The following RBFOX1 variants were observed in gnomAD, a reference collection of about 807,000 sequenced individuals.
RBFOX1 encodes the protein RNA binding fox-1 homolog 1, also known as RNA binding protein fox-1 homolog 1.
In RBFOX1, 8 loss-of-function variants were observed where a neutral mutation model predicts 57.7. The ratio of observed to expected loss-of-function variants is 0.14; its 90% CI spans 0.08 to 0.25. The LOEUF is 0.25. Among genes scored for constraint, RBFOX1 ranks in the 10% least tolerant of loss-of-function variants. RBFOX1 has a pLI of 1.00. For missense variants in RBFOX1, 611 were observed against 548.5 expected (o/e 1.11, Z -1.14); for synonymous variants, 326 against 222.4 (o/e 1.47, Z -4.15).
chr16:6,977,271 A>T (rs1300510901), intron 3 of RBFOX1, among the ~76,000 whole-genome samples: 3 of 151,170 alleles, frequency 2.0e-5, no homozygotes. Flanking sequence ...CTCTGCTACA[A>T]GGGTTTGTGA....
intron 1 of RBFOX1, among the ~76,000 whole-genome samples, chr16:5,286,817 G>C (rs1291966004): frequency 2.0e-5 from 3 of 152,204 alleles, no homozygotes; most frequent in African/African-American, 7.2e-5. Context: ...ATGTAGACAA[G>C]GCATAAATGA....
intron 4 of RBFOX1, among the ~76,000 whole-genome samples, chr16:7,254,332 G>A (rs2094594165): frequency 6.6e-6 from 1 of 152,046 alleles, no homozygotes; most frequent in Admixed American, 6.6e-5. Context: ...AATTCAGCAG[G>A]AAGACCAACC....
At chr16:7,574,559 C>T (rs1326862423) in intron 5 of RBFOX1, among the ~76,000 whole-genome samples, 1 of 152,132 alleles carries the variant, frequency 6.6e-6, no homozygotes, top group Non-Finnish European at 1.5e-5. Context: ...AGGAAGCATC[C>T]AGCATGGGGG....
chr16:7,018,671 A>T (rs1482217034), intron 3 of RBFOX1, among the ~76,000 whole-genome samples: 2 of 152,154 alleles, frequency 1.3e-5, no homozygotes, highest in African/African-American at 4.8e-5. Flanking sequence ...CCACAACATT[A>T]GGAGATATAC....
At chr16:7,146,730 C>T (rs114727767) in intron 4 of RBFOX1, among the ~76,000 whole-genome samples, 1,805 of 151,916 alleles carry the variant, frequency 0.012, 37 homozygotes, top group African/African-American at 0.041. Flanking sequence ...AGACAGATCA[C>T]TTGAGCCCAG....
chr16:6,885,951 A>T (rs571322407), intron 3 of RBFOX1, among the ~76,000 whole-genome samples: 1 of 152,316 alleles, frequency 6.6e-6, no homozygotes, highest in East Asian at 1.9e-4. Context: ...ATTTCTCTTG[A>T]TTTGTTTGCT....
At chr16:6,909,394 A>G (rs1288550224) in intron 3 of RBFOX1, among the ~76,000 whole-genome samples, 1 of 152,160 alleles carries the variant, frequency 6.6e-6, no homozygotes, top group Non-Finnish European at 1.5e-5. Context: ...CTTCCATTTC[A>G]AGATCCTTTA....
At chr16:7,426,079 G>A (rs577942523) in intron 4 of RBFOX1, among the ~76,000 whole-genome samples, 162 of 152,306 alleles carry the variant, frequency 1.1e-3, no homozygotes, top group Non-Finnish European at 1.5e-3. Context: ...GGCTTATCTC[G>A]TTTAAGGGAG....
chr16:5,564,484 G>T (rs1030982615), intron 2 of RBFOX1, among the ~76,000 whole-genome samples: 1 of 152,058 alleles, frequency 6.6e-6, no homozygotes, highest in Non-Finnish European at 1.5e-5. Flanking sequence ...GGTCTAATAA[G>T]AAACCCTCCT....
chr16:7,159,932 C>T (rs552204403), intron 4 of RBFOX1, among the ~76,000 whole-genome samples: 10 of 152,188 alleles, frequency 6.6e-5, no homozygotes, highest in Non-Finnish European at 1.2e-4. Flanking sequence ...TTTATTATAC[C>T]TTTGTTTTTC....
chr16:6,135,124 C>G (rs1041586084), intron 1 of RBFOX1, among the ~76,000 whole-genome samples: 2 of 151,998 alleles, frequency 1.3e-5, no homozygotes, highest in Non-Finnish European at 2.9e-5. Flanking sequence ...CGATAGTTTG[C>G]TGAGAATGAT....
chr16:7,147,825 G>A (rs2075327111), intron 4 of RBFOX1, among the ~76,000 whole-genome samples: 1 of 152,114 alleles, frequency 6.6e-6, no homozygotes. Flanking sequence ...TTTTCTTTGG[G>A]CATATACCCA....
At chr16:6,800,301 G>T (rs1429929993) in intron 3 of RBFOX1, among the ~76,000 whole-genome samples, 1 of 151,758 alleles carries the variant, frequency 6.6e-6, no homozygotes, top group African/African-American at 2.4e-5. Flanking sequence ...CTTAGTCCTG[G>T]GCCAACCAGA....
chr16:6,989,608 G>A (rs1484043013), intron 3 of RBFOX1, among the ~76,000 whole-genome samples: 1 of 152,126 alleles, frequency 6.6e-6, no homozygotes, highest in Non-Finnish European at 1.5e-5. Context: ...ATTTAAGAGT[G>A]GGACAGAAGT....
chr16:6,797,127 T>G (rs1010168139), intron 3 of RBFOX1, among the ~76,000 whole-genome samples: 2 of 152,200 alleles, frequency 1.3e-5, no homozygotes, highest in African/African-American at 4.8e-5. Context: ...TGCTGTTCGT[T>G]GTTTTACTAC....
chr16:5,403,954 C>T (rs956527747), intron 1 of RBFOX1, among the ~76,000 whole-genome samples: 3 of 151,282 alleles, frequency 2.0e-5, no homozygotes, highest in African/African-American at 7.3e-5. Flanking sequence ...TGGGGAGGGA[C>T]ATGCAATGAC....
At chr16:5,569,438 CTTTTTTTTTTTTTTT>C (rs796279138) in intron 2 of RBFOX1, among the ~76,000 whole-genome samples, 4 of 49,180 alleles carry the variant, frequency 8.1e-5, no homozygotes, top group Admixed American at 3.6e-4. Context: ...AAGAAGTAAC[CTTTTTTTTTTTTTTT>C]TTTTTTTTTT....
intron 4 of RBFOX1, among the ~76,000 whole-genome samples, chr16:7,078,621 T>G (rs566814856): frequency 6.6e-6 from 1 of 152,184 alleles, no homozygotes; most frequent in South Asian, 2.1e-4. Flanking sequence ...GTGTTGAGAT[T>G]ACAGGCATGA....
chr16:7,466,025 G>T lies in RBFOX1; in HGVS notation c.28-52122G>T, dbSNP rs139496105. Among the ~76,000 whole-genome samples, 64 of 152,268 alleles carry T rather than the reference G, an allele frequency of 4.2e-4. 1 individual carries two copies. The highest frequency in any genetic ancestry group is 6.8e-3 in the Middle Eastern group (2 of 294). On this transcript the variant is annotated intron_variant, in intron 4 of 15. Coordinates refer to ENST00000550418, the MANE Select transcript of RBFOX1 (RefSeq NM_018723.4). ...GTTTTAAGTAGAAAGTGCATCATCT[G>T]TGTTTTCTGATCCTGAGCTTAGGTT... is the stretch of plus-strand genomic sequence containing the variant.
Sources: allele counts gnomAD v4.1 joint callset (sites outside exome capture counted in the v4.1 genomes callset), GRCh38; gene constraint gnomAD v4.1.1; transcripts MANE v1.5; gene names NCBI Gene and HGNC (gene_info 2026-07-23, HGNC 2026-07-21).